Variants in EBF3 observed in about 807,000 individuals in gnomAD.
EBF3 encodes the protein EBF transcription factor 3.
EBF3 carries 18 observed loss-of-function variants against 77.1 expected under a neutral mutation model. The observed-to-expected ratio is 0.23, with a 90% CI of 0.16 to 0.35. EBF3 has a LOEUF of 0.35. Among genes scored for constraint, EBF3 ranks in the 10% least tolerant of loss-of-function variants. EBF3 has a pLI of 1.00. For missense variants in EBF3, 558 were observed against 860.0 expected, an observed-to-expected ratio of 0.65 and a Z score of 4.39; for synonymous variants, 350 against 343.5, an observed-to-expected ratio of 1.02 and a Z score of -0.21.
intron 6 of EBF3, among the ~76,000 whole-genome samples, chr10:129,892,084 A>C (rs1265219145): frequency 6.6e-6 from 1 of 152,226 alleles, no homozygotes; most frequent in Admixed American, 6.5e-5. Context: ...TGGCAGGGGA[A>C]GCATTTCTCA....
chr10:129,843,098 G>GA, intron 12 of EBF3, 39 bp downstream of exon 12: 3 of 1,477,640 alleles, frequency 2.0e-6, no homozygotes, highest in Non-Finnish European at 2.7e-6. Context: ...GTTCTGGCAT[G>GA]GGGGGGAGGA....
rs975315918 is a variant in EBF3, at chr10:129,937,629, T to C, written c.554+19629A>G. Among the ~76,000 whole-genome samples the C allele has an allele frequency of 6.6e-5, 10 of 152,140 alleles. 1 individual carries two copies. Among genetic ancestry groups the C allele is most frequent in the Admixed American group, 2.0e-4 (3 of 15,282 alleles). ...GAGGCCATGGGAAAGAGAACCACTG[T>C]CCAGTCCCCGCCCCGTGCCCACGCA... On this transcript the variant is annotated intron_variant, in intron 6 of 16. Transcript: ENST00000440978.
At chr10:129,873,663 A>G in intron 7 of EBF3, 67 bp from the exon 8 acceptor site, 1 of 1,414,900 alleles carries the variant, frequency 7.1e-7, no homozygotes, top group Non-Finnish European at 9.3e-7. Context: ...GTTAGGCAAA[A>G]TACAAGCCAT....
chr10:129,890,586 A>G (rs991863668), intron 6 of EBF3, among the ~76,000 whole-genome samples: 5 of 152,268 alleles, frequency 3.3e-5, no homozygotes, highest in Admixed American at 3.3e-4. Flanking sequence ...CATTTGGAAT[A>G]GACTATTTAC....
At chr10:129,936,828 A>G (rs998455147) in intron 6 of EBF3, among the ~76,000 whole-genome samples, 1 of 152,080 alleles carries the variant, frequency 6.6e-6, no homozygotes, top group African/African-American at 2.4e-5. Flanking sequence ...GCTCCAAGGC[A>G]GGGAAGCACT....
Position 129,848,687 on chromosome 10 carries a change from TAG to T in EBF3, c.1040-209_1040-208del, listed in dbSNP as rs1850645759. ...GCAACGATTATTTCTGATCTATAATTAGACTGGAAGAAAGTCAAAGGGTGACT... is the reference window on the plus strand; with the variant it reads ...GCAACGATTATTTCTGATCTATAATTACTGGAAGAAAGTCAAAGGGTGACT... On this transcript the variant is annotated intron_variant, in intron 10 of 16. Transcript: ENST00000440978. The surrounding 1 kb of genome is among the most constrained non-coding windows in gnomAD (Gnocchi z 4.4). 6.6e-6 allele frequency among the ~76,000 whole-genome samples: 1 copy of T among 152,218 alleles called. No homozygotes were observed. Among genetic ancestry groups the T allele is most frequent in the African/African-American group, 2.4e-5 (1 of 41,452 alleles).
intron 11 of EBF3, 49 bp from the exon 12 acceptor site, chr10:129,843,251 T>C (rs1346697415): frequency 3.8e-6 from 6 of 1,567,454 alleles, no homozygotes; most frequent in African/African-American, 1.4e-5. Context: ...ACCGGCCAGT[T>C]ATCACTGCCC....
chr10:129,950,349 G>A (rs1460927475), intron 6 of EBF3, among the ~76,000 whole-genome samples: 1 of 152,182 alleles, frequency 6.6e-6, no homozygotes, highest in Non-Finnish European at 1.5e-5. Context: ...TTTTCTAGCT[G>A]AGCAACTTCC....
intron 11 of EBF3, among the ~76,000 whole-genome samples, chr10:129,844,640 C>G (rs139973763): frequency 6.6e-6 from 1 of 152,112 alleles, no homozygotes. Context: ...ACTTTTTGTG[C>G]GTGCCATACG....
chr10:129,953,752 C>T (rs547870280), intron 6 of EBF3, among the ~76,000 whole-genome samples: 3 of 152,330 alleles, frequency 2.0e-5, no homozygotes, highest in African/African-American at 7.2e-5. Context: ...ACCTTCCATC[C>T]ACCCAGCCCA....
intron 10 of EBF3, among the ~76,000 whole-genome samples, chr10:129,850,782 T>C (rs975894683): frequency 6.6e-6 from 1 of 152,198 alleles, no homozygotes; most frequent in African/African-American, 2.4e-5. Flanking sequence ...GCACCTGCCT[T>C]CTACAGAGCT....
chr10:129,960,931 A>T (rs1859465759), intron 4 of EBF3, among the ~76,000 whole-genome samples: 1 of 152,156 alleles, frequency 6.6e-6, no homozygotes, highest in African/African-American at 2.4e-5. Context: ...TGAAATAATT[A>T]CAGAAGGGCA....
At chr10:129,911,647 GCTGGGCT>G (rs949606527) in intron 6 of EBF3, among the ~76,000 whole-genome samples, 6 of 152,200 alleles carry the variant, frequency 3.9e-5, no homozygotes, top group African/African-American at 1.4e-4. Context: ...GGGGGCTGCT[GCTGGGCT>G]CACGGGGCAG....
At chr10:129,922,978 A>G (rs1456364662) in intron 6 of EBF3, among the ~76,000 whole-genome samples, 3 of 152,160 alleles carry the variant, frequency 2.0e-5, no homozygotes, top group Admixed American at 2.0e-4. Context: ...CAGGCCCTGG[A>G]GTCAGCTGTG....
intron 6 of EBF3, among the ~76,000 whole-genome samples, chr10:129,948,877 G>C (rs1196306750): frequency 6.6e-6 from 1 of 152,174 alleles, no homozygotes; most frequent in East Asian, 1.9e-4. Flanking sequence ...CCTGACTATG[G>C]GATGTCATTC....
At chr10:129,908,009 G>T (rs1392395282) in intron 6 of EBF3, among the ~76,000 whole-genome samples, 1 of 152,206 alleles carries the variant, frequency 6.6e-6, no homozygotes, top group Non-Finnish European at 1.5e-5. Flanking sequence ...GGATCCATAA[G>T]ACACAGCTAC....
chr10:129,844,530 G>A (rs1268805891), intron 11 of EBF3, among the ~76,000 whole-genome samples: 2 of 152,128 alleles, frequency 1.3e-5, no homozygotes, highest in South Asian at 2.1e-4. Context: ...AGAAGGCAAC[G>A]ACTGCCTTCC....
chr10:129,934,408 A>T (rs559564569), intron 6 of EBF3, among the ~76,000 whole-genome samples: 1 of 152,240 alleles, frequency 6.6e-6, no homozygotes, highest in South Asian at 2.1e-4. Context: ...TCCCTTGCAC[A>T]TAGTAGGTGC....
At chr10:129,928,126 G>A (rs1023304846) in intron 6 of EBF3, among the ~76,000 whole-genome samples, 4 of 152,162 alleles carry the variant, frequency 2.6e-5, no homozygotes, top group Admixed American at 6.5e-5. Flanking sequence ...AGAACAGTTC[G>A]GTCAGCCTCA....
Sources: gnomAD v4.1 joint callset for allele counts (sites outside exome capture counted in the v4.1 genomes callset) on GRCh38, gnomAD v4.1.1 for gene constraint, Gnocchi (gnomAD v3.1) non-coding constraint, MANE v1.5 for transcripts, NCBI Gene and HGNC (gene_info 2026-07-23, HGNC 2026-07-21) for gene names.